The following MICU1 variants were observed in gnomAD, a reference collection of about 807,000 sequenced individuals.
MICU1 encodes mitochondrial calcium uptake 1, also known as calcium uptake protein 1, mitochondrial.
Under a neutral mutation model 56.8 loss-of-function variants are expected in MICU1, and 45 were observed. The ratio of observed to expected loss-of-function variants is 0.79; its 90% CI spans 0.62 to 1.02. MICU1 has a LOEUF of 1.02. Among genes scored for constraint, MICU1 ranks in the 50% least tolerant of loss-of-function variants. MICU1 has a pLI of 0.00. For synonymous variants in MICU1, 186 were observed against 195.1 expected, an observed-to-expected ratio of 0.95 and a Z score of 0.39; for missense variants, 504 against 587.1, an observed-to-expected ratio of 0.86 and a Z score of 1.46.
At chr10:72,552,312 A>G (rs1319757947) in intron 3 of MICU1, among the ~76,000 whole-genome samples, 1 of 152,200 alleles carries the variant, frequency 6.6e-6, no homozygotes, top group Non-Finnish European at 1.5e-5. Context: ...CTTATCTGGT[A>G]TACAAGCCCC....
At chr10:72,449,274 T>C (rs1161192149) in intron 8 of MICU1, among the ~76,000 whole-genome samples, 2 of 152,120 alleles carry the variant, frequency 1.3e-5, no homozygotes, top group Non-Finnish European at 2.9e-5. Context: ...GGCAGGTGCC[T>C]GTAATCCCAG....
intron 10 of MICU1, among the ~76,000 whole-genome samples, chr10:72,401,519 T>C (rs1040941872): frequency 1.4e-4 from 21 of 152,136 alleles, no homozygotes; most frequent in Non-Finnish European, 5.9e-5. Context: ...CCAGGTGTGG[T>C]GGCACGCACC....
At chr10:72,578,263 A>C (rs1840801895) in intron 1 of MICU1, among the ~76,000 whole-genome samples, 1 of 151,574 alleles carries the variant, frequency 6.6e-6, no homozygotes, top group Non-Finnish European at 1.5e-5. Context: ...TTAGCAATAA[A>C]GATTTTTTTT....
In MICU1 at chr10:72,472,296, T is replaced by A. The variant is rs1029501829; in HGVS notation, c.933+2804A>T. ...CTAGAATATTTAGAAACTGAGGTATTACGATTAATTTATGACTAATTTTCT... is the reference window on the plus strand; with the variant it reads ...CTAGAATATTTAGAAACTGAGGTATAACGATTAATTTATGACTAATTTTCT... On this transcript the variant is annotated intron_variant, in intron 8 of 11. Coordinates refer to ENST00000361114, the MANE Select transcript of MICU1 (RefSeq NM_001195518.2). Among the ~76,000 whole-genome samples the A allele has an allele frequency of 2.0e-5, 3 of 152,214 alleles. No homozygotes were observed. In the East Asian group the frequency reaches 5.8e-4, roughly 29 times the overall value.
intron 2 of MICU1, among the ~76,000 whole-genome samples, chr10:72,564,433 A>G (rs1294769243): frequency 6.6e-6 from 1 of 150,774 alleles, no homozygotes; most frequent in Non-Finnish European, 1.5e-5. Context: ...CAGCTACTTG[A>G]GAAGCTGAGG....
At chr10:72,405,054 G>C (rs907148379) in intron 10 of MICU1, among the ~76,000 whole-genome samples, 3 of 150,206 alleles carry the variant, frequency 2.0e-5, no homozygotes, top group East Asian at 2.0e-4. Context: ...CTACAGGCAT[G>C]TGCCACCAAG....
intron 10 of MICU1, among the ~76,000 whole-genome samples, chr10:72,404,298 T>C (rs931591544): frequency 6.6e-6 from 1 of 152,162 alleles, no homozygotes; most frequent in African/African-American, 2.4e-5. Context: ...GCAGTGTTTA[T>C]AGGGAAATTT....
At chr10:72,583,680 A>G (rs1290072352) in intron 1 of MICU1, among the ~76,000 whole-genome samples, 2 of 152,230 alleles carry the variant, frequency 1.3e-5, no homozygotes, top group African/African-American at 4.8e-5. Context: ...TACAATGTGT[A>G]CTGTACAACT....
intron 8 of MICU1, among the ~76,000 whole-genome samples, chr10:72,447,219 G>C (rs1185080666): frequency 6.6e-6 from 1 of 152,120 alleles, no homozygotes; most frequent in Non-Finnish European, 1.5e-5. Context: ...GGCACAAATA[G>C]GTTGAGGGAT....
intron 10 of MICU1, among the ~76,000 whole-genome samples, chr10:72,400,953 G>T (rs1863435044): frequency 6.6e-6 from 1 of 151,660 alleles, no homozygotes; most frequent in Non-Finnish European, 1.5e-5. Flanking sequence ...GCAAATATCA[G>T]TGGAAATGCT....
At chr10:72,480,147 G>A (rs1234949703) in intron 6 of MICU1, among the ~76,000 whole-genome samples, 4 of 152,154 alleles carry the variant, frequency 2.6e-5, no homozygotes, top group Non-Finnish European at 5.9e-5. Flanking sequence ...TGATGGCAGT[G>A]GTAATGGAGA....
intron 1 of MICU1, among the ~76,000 whole-genome samples, chr10:72,597,073 T>C (rs1309816607): frequency 2.6e-4 from 39 of 152,212 alleles, no homozygotes; most frequent in Admixed American, 2.6e-3. Flanking sequence ...TTTTGCTCAG[T>C]TTTTTCTGTA....
chr10:72,460,824 C>T (rs929666797), intron 8 of MICU1, among the ~76,000 whole-genome samples: 5 of 151,828 alleles, frequency 3.3e-5, no homozygotes, highest in African/African-American at 9.7e-5. Context: ...TTAACTGAGG[C>T]TAAGTTAGTT....
intron 1 of MICU1, among the ~76,000 whole-genome samples, chr10:72,583,463 T>C (rs1023622043): frequency 7.2e-5 from 11 of 152,054 alleles, no homozygotes; most frequent in African/African-American, 2.4e-4. Context: ...GTATTTTTAG[T>C]AGAGATGGGG....
At chr10:72,605,999 C>G (rs992198989) in intron 1 of MICU1, among the ~76,000 whole-genome samples, 1 of 151,524 alleles carries the variant, frequency 6.6e-6, no homozygotes, top group South Asian at 2.1e-4. Context: ...GGCGTGGTGG[C>G]GCATGCCTGT....
rs1355713678 is a variant in MICU1 at position 72,528,341 on chromosome 10, G to T, written c.537+5405C>A. Among the ~76,000 whole-genome samples the T allele has an allele frequency of 2.6e-5, 4 of 151,994 alleles. No homozygotes were observed. The East Asian group carries it at 7.7e-4, about 29-fold the overall frequency. ...TCCCTATATAAAGAAAAAGAAAGCA[G>T]AAATGATATACCCTACTTTAAAAAT... On this transcript the variant is annotated intron_variant, in intron 5 of 11. Transcript: ENST00000361114.
At chr10:72,533,111 C>A (rs1373491953) in intron 5 of MICU1, 6 of 1,289,784 alleles carry the variant, frequency 4.7e-6, no homozygotes, top group Non-Finnish European at 6.1e-6. Flanking sequence ...AAAATTGACC[C>A]TTTACTTTTC....
intron 8 of MICU1, among the ~76,000 whole-genome samples, chr10:72,430,405 T>C (rs1427723702): frequency 1.3e-5 from 2 of 152,174 alleles, no homozygotes; most frequent in Non-Finnish European, 2.9e-5. Context: ...TTTAAAATTT[T>C]ATTGTGAAAT....
chr10:72,495,617 T>C (rs903894354), intron 6 of MICU1, among the ~76,000 whole-genome samples: 3 of 144,414 alleles, frequency 2.1e-5, no homozygotes, highest in Non-Finnish European at 3.0e-5. Context: ...ATTGTACCAT[T>C]GTACTCCAGC....
Sources: allele counts gnomAD v4.1 joint callset (sites outside exome capture counted in the v4.1 genomes callset), GRCh38; gene constraint gnomAD v4.1.1; transcripts MANE v1.5; gene names NCBI Gene and HGNC (gene_info 2026-07-23, HGNC 2026-07-21).